Variants in GRK7 observed in about 807,000 individuals in gnomAD.
The protein encoded by GRK7 is rhodopsin kinase GRK7.
A neutral mutation model predicts 34.1 loss-of-function variants in GRK7; 24 were observed. The ratio of observed to expected loss-of-function variants is 0.70; its 90% CI spans 0.51 to 0.99. The LOEUF (loss-of-function observed/expected upper bound fraction) is 0.99, where lower values mean the gene tolerates loss of function less well. GRK7 is among the 50% of genes least tolerant of loss of function. The probability of loss-of-function intolerance (pLI) is 0.00; values close to 1 mark genes in which losing one functional copy is unlikely to be tolerated. For missense variants in GRK7, 644 were observed against 707.3 expected, an observed-to-expected ratio of 0.91 and a Z score of 1.02; for synonymous variants, 256 against 279.4, an observed-to-expected ratio of 0.92 and a Z score of 0.84.
the GRK7 span, among the ~76,000 whole-genome samples, chr3:141,756,326 A>AGGG: frequency 0.012 from 1,637 of 134,460 alleles, 37 homozygotes; most frequent in Middle Eastern, 0.035. Context: ...AGAAAAAAAA[A>AGGG]GGTGGGGGGG....
At chr3:141,801,268 G>A (rs1044446783) in intron 4 of GRK7, among the ~76,000 whole-genome samples, 23 of 133,700 alleles carry the variant, frequency 1.7e-4, no homozygotes, top group South Asian at 4.5e-4. Flanking sequence ...CCAAGATTGC[G>A]CCACTGCACT....
At chr3:141,814,457 A>G (rs1223975778) in intron 5 of GRK7, among the ~76,000 whole-genome samples, 1 of 152,170 alleles carries the variant, frequency 6.6e-6, no homozygotes, top group Non-Finnish European at 1.5e-5. Context: ...GCTCCCACTT[A>G]TAAGTGAAAA....
In GRK7 at chr3:141,778,407, G is replaced by T; in HGVS notation, c.123G>T (p.Gly41=). The T allele has an allele frequency of 1.9e-6, 3 of 1,612,604 alleles. No individual in the cohort carries two copies. Among genetic ancestry groups the T allele is most frequent in the Non-Finnish European group, 2.5e-6 (3 of 1,179,706 alleles). The part of the protein sequence containing the change: ...QRRRRSLALP[G]LQGCAELRQK... The stretch of plus-strand genomic sequence containing the variant: ...GGCGGCGTAGCCTGGCCCTGCCCGG[G>T]CTGCAGGGCTGCGCGGAGCTCCGCC... The change falls in exon 3 of 6, where the codon GGG becomes GGT. Residue 41 remains glycine, a synonymous_variant. Transcript: ENST00000682958. This position sits in a 1 kb window ranked among gnomAD's most constrained non-coding sequence, Gnocchi z 4.1.
At chr3:141,804,155 C>T (rs945665446) in intron 4 of GRK7, among the ~76,000 whole-genome samples, 1 of 152,186 alleles carries the variant, frequency 6.6e-6, no homozygotes, top group Non-Finnish European at 1.5e-5. Flanking sequence ...AGTAAACTCA[C>T]TTCTCTTTTT....
chr3:141,816,534 T>C (rs947613777), intron 5 of GRK7, among the ~76,000 whole-genome samples, 180 bp from the exon 6 acceptor site: 3 of 152,240 alleles, frequency 2.0e-5, no homozygotes, highest in Admixed American at 6.5e-5. Flanking sequence ...TGTCTACTTA[T>C]ACGGGAATTT....
intron 1 of GRK7, among the ~76,000 whole-genome samples, chr3:141,766,365 G>A (rs1228420052): frequency 3.3e-5 from 5 of 151,962 alleles, no homozygotes; most frequent in East Asian, 1.9e-4. Context: ...GGGTTTCACC[G>A]TGTTAGCCAG....
chr3:141,812,687 C>T (rs1346838478), intron 5 of GRK7, among the ~76,000 whole-genome samples: 2 of 152,196 alleles, frequency 1.3e-5, no homozygotes, highest in African/African-American at 4.8e-5. Context: ...CAGTCAGCCA[C>T]CCCTGATGGA....
At chr3:141,763,135 C>T (rs1048184482), upstream of GRK7, among the ~76,000 whole-genome samples, 1 of 152,224 alleles carries the variant, frequency 6.6e-6, no homozygotes, top group Non-Finnish European at 1.5e-5. Flanking sequence ...TCCTATTCGG[C>T]CATCTTGGCT....
At chr3:141,801,656 A>G (rs1360854343) in intron 4 of GRK7, among the ~76,000 whole-genome samples, 1 of 152,210 alleles carries the variant, frequency 6.6e-6, no homozygotes, top group Non-Finnish European at 1.5e-5. Flanking sequence ...TATTTTTTAA[A>G]TGAGATAATG....
At chr3:141,809,513 CAT>C (rs1711071808) in intron 5 of GRK7, among the ~76,000 whole-genome samples, 1 of 151,910 alleles carries the variant, frequency 6.6e-6, no homozygotes, top group African/African-American at 2.4e-5. Flanking sequence ...GCCTAAGCAA[CAT>C]AGAGAGACTG....
rs1487215707 is a variant in GRK7 at position 141,817,424 on chromosome 3, T to G, written c.*374T>G. The G allele has an allele frequency of 1.2e-5, 2 of 169,618 alleles. No homozygotes were observed. The highest frequency in any genetic ancestry group is 4.7e-5 in the African/African-American group (2 of 42,200). 10.5% of individuals were successfully genotyped at this position (169,618 alleles called of 1,614,324 possible). A position where few individuals can be genotyped will look rare whatever the true frequency, so the allele number is the denominator to read the frequency against. On this transcript the variant is annotated 3_prime_UTR_variant, in exon 6 of 6. Transcript: ENST00000682958. ...TGCAATTCTTAGTAAATAATCATTT[T>G]AGTTTTTCTTTGTTTATATCTTTTT...
At chr3:141,801,242 C>A (rs1267016163) in intron 4 of GRK7, among the ~76,000 whole-genome samples, 3 of 133,534 alleles carry the variant, frequency 2.2e-5, no homozygotes, top group African/African-American at 8.5e-5. Context: ...ACCTGGGAGG[C>A]GGAGCTTGCA....
intron 4 of GRK7, among the ~76,000 whole-genome samples, chr3:141,789,655 GC>G (rs767378962): frequency 0.14 from 7,679 of 53,882 alleles, 295 homozygotes; most frequent in Middle Eastern, 0.39. Context: ...TGCCAAATGG[GC>G]AAAAAAAAAA....
rs1711052185 is a variant in GRK7 at position 141,807,822 on chromosome 3, G to T, written c.1228G>T (p.Asp410Tyr). The T allele has an allele frequency of 6.2e-7, 1 of 1,613,994 alleles. No homozygotes were observed. Among genetic ancestry groups the T allele is most frequent in the African/African-American group, 1.3e-5 (1 of 74,930 alleles). The change falls in exon 5 of 6, where the codon GAC (aspartate) becomes TAC (tyrosine). Residue 410 changes from aspartate (D) to tyrosine (Y), a missense_variant. By Grantham distance (160) the Asp-to-Tyr change is radical. Coordinates refer to ENST00000682958, the MANE Select transcript of GRK7 (RefSeq NM_139209.3). ...KEDLKQRTLQ[D>Y]EVKFQHDNFT... ...GGATCTGAAGCAAAGAACTCTGCAA[G>T]ACGAGGTCAAATTCCAGCATGATAA...
rs901406297 is a variant in GRK7 at position 141,775,145 on chromosome 3, A to G, written c.-114+465A>G. Reference sequence around the variant, plus strand: ...ACCAGGCACAGTGGCTCACGCCTGTAATTTAGCACTTTGGGAGGCCAAGGA... The same window carrying G: ...ACCAGGCACAGTGGCTCACGCCTGTGATTTAGCACTTTGGGAGGCCAAGGA... On this transcript the variant is annotated intron_variant, in intron 2 of 5. Transcript: ENST00000682958. Among the ~76,000 whole-genome samples, 4 of 152,286 alleles carry G rather than the reference A, an allele frequency of 2.6e-5. No homozygotes were observed. In the East Asian group the frequency reaches 7.8e-4, roughly 30 times the overall value.
chr3:141,780,643 C>CT lies in GRK7; in HGVS notation c.886dup (p.Tyr296LeufsTer14). 1 of 1,614,220 alleles carries CT rather than the reference C, an allele frequency of 6.2e-7. No homozygotes were observed. The highest frequency in any genetic ancestry group is 1.3e-5 in the African/African-American group (1 of 75,048). On this transcript the variant is annotated frameshift_variant, in exon 4 of 6. Coordinates refer to ENST00000682958, the MANE Select transcript of GRK7 (RefSeq NM_139209.3). LOFTEE classifies it high-confidence loss of function. ...GTGGCCTGGACATGAGCCGGGTGAT[C>CT]TTTTACTCGGCCCAGATAGCCTGTG...
the GRK7 span, among the ~76,000 whole-genome samples, chr3:141,756,008 T>A: frequency 1.8e-4 from 25 of 137,572 alleles, no homozygotes; most frequent in East Asian, 1.5e-3. Context: ...CTCAGCAGTT[T>A]AAAAAAAAAA....
At chr3:141,801,310 C>CAA (rs55657739) in intron 4 of GRK7, among the ~76,000 whole-genome samples, 5,863 of 70,370 alleles carry the variant, frequency 0.083, 253 homozygotes, top group Non-Finnish European at 0.11. Context: ...GACTCCGTCT[C>CAA]AAAAAAAAAA....
At chr3:141,762,147 C>T (rs956246827), upstream of GRK7, among the ~76,000 whole-genome samples, 34 of 150,090 alleles carry the variant, frequency 2.3e-4, no homozygotes, top group Admixed American at 8.0e-4. Context: ...AGCTTTGTTC[C>T]ATTGCTGGTG....
Sources: gnomAD v4.1 joint callset for allele counts (sites outside exome capture counted in the v4.1 genomes callset) on GRCh38, gnomAD v4.1.1 for gene constraint, Gnocchi (gnomAD v3.1) non-coding constraint, MANE v1.5 for transcripts, NCBI Gene and HGNC (gene_info 2026-07-23, HGNC 2026-07-21) for gene names.